Variants in LPAR1 observed in about 807,000 individuals in gnomAD.
LPAR1 encodes LPA receptor 1.
LPAR1 carries 5 observed loss-of-function variants against 23.8 expected under a neutral mutation model. That is an observed-to-expected ratio of 0.21 (90% confidence interval 0.11 to 0.44). The LOEUF is 0.44. Ranked by LOEUF, LPAR1 falls within the 20% of genes least tolerant of loss-of-function variation. The pLI is 0.99. For synonymous variants in LPAR1, 160 were observed against 164.7 expected, an observed-to-expected ratio of 0.97 and a Z score of 0.22; for missense variants, 311 against 482.8, an observed-to-expected ratio of 0.64 and a Z score of 3.33.
chr9:110,941,297 T>A lies in LPAR1; in HGVS notation c.793+124A>T, dbSNP rs1273334311. The A allele has an allele frequency of 3.4e-6, 3 of 877,418 alleles. No homozygotes were observed. The highest frequency in any genetic ancestry group is 5.3e-6 in the Non-Finnish European group (3 of 568,388). 54.4% of individuals were successfully genotyped at this position (877,418 alleles called of 1,614,324 possible). A position where few individuals can be genotyped will look rare whatever the true frequency, so the allele number is the denominator to read the frequency against. On this transcript the variant is annotated intron_variant, in intron 5 of 5. Transcript: ENST00000683809. The surrounding 1 kb of genome is among the most constrained non-coding windows in gnomAD (Gnocchi z 6.1). ...TTTAATATAAAGGTGCCTCATCCCCTTGTAATTCCTGGTGAATTACCTGGT... is the reference window on the plus strand; with the variant it reads ...TTTAATATAAAGGTGCCTCATCCCCATGTAATTCCTGGTGAATTACCTGGT...
chr9:110,988,550 A>G (rs1349763221), intron 2 of LPAR1, among the ~76,000 whole-genome samples: 1 of 152,156 alleles, frequency 6.6e-6, no homozygotes, highest in African/African-American at 2.4e-5. Flanking sequence ...ATATGAAAAG[A>G]CACTGGATAT....
chr9:110,932,942 G>T (rs986280044), intron 5 of LPAR1, among the ~76,000 whole-genome samples: 3 of 152,220 alleles, frequency 2.0e-5, no homozygotes, highest in Non-Finnish European at 4.4e-5. Context: ...AAGTACTGCA[G>T]ATCCATCTGA....
intron 5 of LPAR1, among the ~76,000 whole-genome samples, chr9:110,896,138 TATGA>T (rs1447571838): frequency 6.6e-6 from 1 of 152,196 alleles, no homozygotes; most frequent in African/African-American, 2.4e-5. Flanking sequence ...AATCCAGGTA[TATGA>T]TGCTAATGAA....
intron 5 of LPAR1, among the ~76,000 whole-genome samples, chr9:110,937,160 A>C (rs2094764942): frequency 6.6e-6 from 1 of 152,240 alleles, no homozygotes; most frequent in Non-Finnish European, 1.5e-5. Context: ...CAGAAGCAAA[A>C]GGAAGAAAAG....
At chr9:110,981,766 TAAAC>T (rs1455850662) in intron 2 of LPAR1, among the ~76,000 whole-genome samples, 1 of 151,774 alleles carries the variant, frequency 6.6e-6, no homozygotes, top group Non-Finnish European at 1.5e-5. Flanking sequence ...AATCTACAAA[TAAAC>T]AAATTTACAA....
intron 4 of LPAR1, among the ~76,000 whole-genome samples, chr9:110,949,953 C>T (rs1175159107): frequency 1.3e-5 from 2 of 152,092 alleles, no homozygotes; most frequent in African/African-American, 4.8e-5. Flanking sequence ...AGCCAATGAT[C>T]ATCTCAAAAG....
intron 2 of LPAR1, among the ~76,000 whole-genome samples, chr9:111,021,964 A>C (rs990265488): frequency 9.8e-5 from 1 of 10,170 alleles, no homozygotes; most frequent in Non-Finnish European, 1.9e-4. Context: ...ACTCCGTCAC[A>C]AAAAAAAAAA....
intron 2 of LPAR1, among the ~76,000 whole-genome samples, chr9:111,030,339 T>A (rs3739708): frequency 0.17 from 26,538 of 152,168 alleles, 2,815 homozygotes; most frequent in Non-Finnish European, 0.24. Context: ...ACAATCGTAG[T>A]CCAAGAAGGC....
intron 5 of LPAR1, among the ~76,000 whole-genome samples, chr9:110,922,353 G>A (rs2093687218): frequency 6.6e-6 from 1 of 152,108 alleles, no homozygotes; most frequent in Non-Finnish European, 1.5e-5. Flanking sequence ...ATGACATCAT[G>A]TCCTTGCAAT....
At chr9:110,981,939 AT>A (rs1247080434) in intron 2 of LPAR1, among the ~76,000 whole-genome samples, 1 of 152,174 alleles carries the variant, frequency 6.6e-6, no homozygotes, top group Non-Finnish European at 1.5e-5. Context: ...ATCTCACATC[AT>A]TTAGAATGGC....
At position 110,941,159 on chromosome 9, in the gene LPAR1, T is replaced by G. The variant is rs12555560; in HGVS notation, c.793+262A>C. 6.6e-6 allele frequency among the ~76,000 whole-genome samples: 1 copy of G among 152,066 alleles called. No homozygotes were observed. The highest frequency in any genetic ancestry group is 1.5e-5 in the Non-Finnish European group (1 of 68,012). The stretch of plus-strand genomic sequence containing the variant: ...TAATTCTGGTATTTTCAATATTAGA[T>G]AGCCAAACTCTTCAATGACATCTTT... On this transcript the variant is annotated intron_variant, in intron 5 of 5. Transcript: ENST00000683809. The surrounding 1 kb of genome is among the most constrained non-coding windows in gnomAD (Gnocchi z 6.1).
intron 2 of LPAR1, among the ~76,000 whole-genome samples, chr9:111,017,429 C>T (rs1176974160): frequency 1.3e-5 from 2 of 152,154 alleles, no homozygotes; most frequent in African/African-American, 4.8e-5. Context: ...GTGACTACTT[C>T]CAGTAATGGG....
intron 2 of LPAR1, among the ~76,000 whole-genome samples, chr9:111,002,636 T>G (rs946083701): frequency 2.0e-4 from 30 of 152,198 alleles, no homozygotes; most frequent in Admixed American, 5.2e-4. Flanking sequence ...TCATTGCTGT[T>G]TGAGAGCTGA....
At chr9:111,005,219 CAA>C (rs150934580) in intron 2 of LPAR1, among the ~76,000 whole-genome samples, 4,301 of 149,718 alleles carry the variant, frequency 0.029, 81 homozygotes, top group Non-Finnish European at 0.048. Context: ...TGTCTCTCTC[CAA>C]TTTAACCTCC....
intron 2 of LPAR1, among the ~76,000 whole-genome samples, chr9:110,997,125 T>C (rs1337653292): frequency 1.3e-5 from 2 of 152,166 alleles, no homozygotes; most frequent in Non-Finnish European, 2.9e-5. Context: ...AACAATTGTA[T>C]TGTGTCTATG....
intron 4 of LPAR1, among the ~76,000 whole-genome samples, chr9:110,952,489 C>T (rs1241545646): frequency 1.3e-5 from 2 of 152,184 alleles, no homozygotes; most frequent in African/African-American, 2.4e-5. Context: ...CAAGACCCTC[C>T]TCTCTCCACA....
At position 110,972,221 on chromosome 9, in the gene LPAR1, C is replaced by T. The variant is rs2096446541; in HGVS notation, c.-103-1G>A. On this transcript the variant is annotated splice_acceptor_variant, in intron 3 of 5. Coordinates refer to ENST00000683809, the MANE Select transcript of LPAR1 (RefSeq NM_001351411.2). LOFTEE classifies it low-confidence loss of function (5UTR_SPLICE). ...AGTCATGCTAGGAGAAGCTGTGTAC[C>T]TGGAAAACAACAGGAAAACCCACAT... 1 of 1,014,562 alleles carries T rather than the reference C, an allele frequency of 9.9e-7. No homozygotes were observed. The highest frequency in any genetic ancestry group is 1.6e-6 in the Non-Finnish European group (1 of 643,752). The allele number at this position is 1,014,562 out of a possible 1,614,324, so 62.8% of individuals were successfully genotyped here. A position where few individuals can be genotyped will look rare whatever the true frequency, so the allele number is the denominator to read the frequency against.
intron 5 of LPAR1, among the ~76,000 whole-genome samples, chr9:110,928,643 TA>T (rs2094201011): frequency 6.6e-6 from 1 of 152,196 alleles, no homozygotes; most frequent in Non-Finnish European, 1.5e-5. Flanking sequence ...AAAGAATGTC[TA>T]AATAGAGCCT....
intron 2 of LPAR1, among the ~76,000 whole-genome samples, chr9:111,020,682 G>A (rs1239230451): frequency 3.9e-5 from 6 of 151,942 alleles, no homozygotes; most frequent in African/African-American, 4.8e-5. Flanking sequence ...TACTAGCATT[G>A]AGCACCTGTG....
Sources: gnomAD v4.1 joint callset for allele counts (sites outside exome capture counted in the v4.1 genomes callset) on GRCh38, gnomAD v4.1.1 for gene constraint, Gnocchi (gnomAD v3.1) non-coding constraint, MANE v1.5 for transcripts, NCBI Gene and HGNC (gene_info 2026-07-23, HGNC 2026-07-21) for gene names.